VPS37A: variants seen among roughly 807,000 people sequenced by gnomAD.
VPS37A encodes vacuolar protein sorting-associated protein 37A.
A neutral mutation model predicts 49.8 loss-of-function variants in VPS37A; 30 were observed. That is an observed-to-expected ratio of 0.60 (90% CI 0.45 to 0.82). VPS37A has a LOEUF of 0.82. VPS37A is among the 40% of genes least tolerant of loss of function. The pLI is 0.00. For missense variants in VPS37A, 593 were observed against 464.4 expected (o/e 1.28, Z -2.55); for synonymous variants, 195 against 160.6 (o/e 1.21, Z -1.62).
chr8:17,325,468 T>C, the VPS37A span, among the ~76,000 whole-genome samples: 2 of 152,170 alleles, frequency 1.3e-5, no homozygotes, highest in South Asian at 2.1e-4. Flanking sequence ...TCAGGGAACA[T>C]TTTTTTAAGT....
intron 4 of VPS37A, among the ~76,000 whole-genome samples, chr8:17,272,691 C>G (rs957395125): frequency 6.6e-6 from 1 of 152,094 alleles, no homozygotes; most frequent in Non-Finnish European, 1.5e-5. Context: ...TTGTTATATT[C>G]ACATACATAT....
intron 9 of VPS37A, 90 bp downstream of exon 9, chr8:17,280,533 A>T: frequency 8.2e-7 from 1 of 1,223,822 alleles, no homozygotes; most frequent in Non-Finnish European, 1.1e-6. Flanking sequence ...TATCATCAGA[A>T]ACCATTTATG....
At chr8:17,309,128 T>C in the VPS37A span, 11 of 607,088 alleles carry the variant, frequency 1.8e-5, no homozygotes, top group South Asian at 2.2e-4. Flanking sequence ...CATTTATCTA[T>C]GATATGACAT....
the VPS37A span, among the ~76,000 whole-genome samples, chr8:17,328,909 C>T: frequency 6.6e-6 from 1 of 152,126 alleles, no homozygotes; most frequent in African/African-American, 2.4e-5. Flanking sequence ...TTGAGACTTA[C>T]AAATGGAAGT....
intron 11 of VPS37A, among the ~76,000 whole-genome samples, chr8:17,289,865 C>G (rs1815977878): frequency 6.6e-6 from 1 of 152,066 alleles, no homozygotes; most frequent in South Asian, 2.1e-4. Flanking sequence ...TGTTTGTGTC[C>G]TCTCTTATTT....
At chr8:17,272,289 T>C (rs1445486096) in intron 4 of VPS37A, among the ~76,000 whole-genome samples, 2 of 152,136 alleles carry the variant, frequency 1.3e-5, no homozygotes, top group African/African-American at 2.4e-5. Context: ...TTGTTGTTGT[T>C]GTCATAGCAG....
At position 17,292,494 on chromosome 8, in the gene VPS37A, C is replaced by T. The variant is rs1384525242; in HGVS notation, c.*1-2493C>T. ...AATATTGTTATGTGTGAATTTGATC[C>T]TGTCATTATGATGCTAGCTGGTTAT... On this transcript the variant is annotated intron_variant, in intron 11 of 11. Coordinates refer to ENST00000324849, the MANE Select transcript of VPS37A (RefSeq NM_152415.3). Among the ~76,000 whole-genome samples, 4 of 152,184 alleles carry T rather than the reference C, an allele frequency of 2.6e-5. No homozygotes were observed. In the East Asian group the frequency reaches 5.8e-4, roughly 22 times the overall value.
intron 5 of VPS37A, 50 bp downstream of exon 5, chr8:17,275,008 A>G (rs746224716): frequency 2.6e-6 from 4 of 1,519,248 alleles, no homozygotes; most frequent in Admixed American, 1.7e-5. Context: ...CATTCATTCA[A>G]TCCACACACC....
intron 4 of VPS37A, among the ~76,000 whole-genome samples, chr8:17,270,211 T>C (rs1013572760): frequency 1.3e-5 from 2 of 152,048 alleles, no homozygotes; most frequent in African/African-American, 4.8e-5. Context: ...CAATTCAGTA[T>C]GAGATTTAAA....
chr8:17,309,086 C>A, the VPS37A span, among the ~76,000 whole-genome samples: 10 of 152,256 alleles, frequency 6.6e-5, no homozygotes, highest in African/African-American at 2.4e-4. Flanking sequence ...TAGTTCTGCC[C>A]AACTGTTACC....
chr8:17,251,631 A>C (rs1185511982), intron 1 of VPS37A, among the ~76,000 whole-genome samples: 3 of 152,194 alleles, frequency 2.0e-5, no homozygotes, highest in Non-Finnish European at 4.4e-5. Context: ...AGTCCATTCC[A>C]GACAGTTAGT....
At chr8:17,263,986 C>A (rs181273402) in intron 1 of VPS37A, among the ~76,000 whole-genome samples, 65 of 152,216 alleles carry the variant, frequency 4.3e-4, no homozygotes, top group Admixed American at 7.8e-4. Flanking sequence ...TAGAGAGGGA[C>A]CAACCTCCAT....
chr8:17,264,200 A>G (rs1813237707), intron 1 of VPS37A, among the ~76,000 whole-genome samples: 1 of 152,190 alleles, frequency 6.6e-6, no homozygotes, highest in African/African-American at 2.4e-5. Context: ...ACAGGATTTG[A>G]ACCCAGGAAG....
rs141925092 is a variant in VPS37A at position 17,256,630 on chromosome 8, T to TTTTATTTATTTA, written c.126-9250_126-9239dup. ...GTTGATTGTTCCTTCGCTGTGTAGG[T>TTTTATTTATTTA]TTTATTTATTTATTTATTTATTTAT... On this transcript the variant is annotated intron_variant, in intron 1 of 11. Transcript: ENST00000324849. 6.8e-3 allele frequency among the ~76,000 whole-genome samples: 996 copies of TTTTATTTATTTA among 145,408 alleles called. 5 individuals carry two copies. The highest frequency in any genetic ancestry group is 0.023 in the South Asian group (104 of 4,492).
chr8:17,252,003 T>C (rs1345142342), intron 1 of VPS37A, among the ~76,000 whole-genome samples: 2 of 152,186 alleles, frequency 1.3e-5, no homozygotes, highest in Non-Finnish European at 2.9e-5. Flanking sequence ...TAGAATTCAT[T>C]CTCAGCTCAT....
At chr8:17,254,862 C>T (rs914210216) in intron 1 of VPS37A, among the ~76,000 whole-genome samples, 7 of 152,162 alleles carry the variant, frequency 4.6e-5, no homozygotes, top group South Asian at 2.1e-4. Flanking sequence ...ATTTTTTTAT[C>T]TAAATCATAG....
At chr8:17,257,329 A>G (rs1231724828) in intron 1 of VPS37A, among the ~76,000 whole-genome samples, 1 of 152,128 alleles carries the variant, frequency 6.6e-6, no homozygotes, top group Non-Finnish European at 1.5e-5. Context: ...TTTGCAGTAA[A>G]TTTTGAAGCT....
At chr8:17,329,697 C>G in the VPS37A span, among the ~76,000 whole-genome samples, 1 of 152,204 alleles carries the variant, frequency 6.6e-6, no homozygotes, top group Non-Finnish European at 1.5e-5. Context: ...AGACTAAAGT[C>G]AGACTGCCTT....
rs772126223 is a variant in VPS37A, at chr8:17,248,261, C to CCTTTTTTTTTTT, written c.125+892_125+893insCTTTTTTTTTTT. The CCTTTTTTTTTTT allele has an allele frequency of 5.5e-5, 22 of 397,350 alleles. 10 individuals carry two copies. Among genetic ancestry groups the CCTTTTTTTTTTT allele is most frequent in the South Asian group, 7.2e-5 (4 of 55,610 alleles). 24.6% of individuals were successfully genotyped at this position (397,350 alleles called of 1,614,324 possible). A position where few individuals can be genotyped will look rare whatever the true frequency, so the allele number is the denominator to read the frequency against. ...GACAACATTGTTAAGTCCCTAACCC[C>CCTTTTTTTTTTT]TTTTTTTTTTTTTTTTTTTGCCGGG... On this transcript the variant is annotated intron_variant, in intron 1 of 11. Transcript: ENST00000324849.
Sources: allele counts gnomAD v4.1 joint callset (sites outside exome capture counted in the v4.1 genomes callset), GRCh38; gene constraint gnomAD v4.1.1; transcripts MANE v1.5; gene names NCBI Gene and HGNC (gene_info 2026-07-23, HGNC 2026-07-21).